The following TOX variants were observed in gnomAD, a reference collection of about 807,000 sequenced individuals.
TOX encodes thymocyte selection-associated high mobility group box protein TOX.
Under a neutral mutation model 53.7 loss-of-function variants are expected in TOX, and 11 were observed. The ratio of observed to expected loss-of-function variants is 0.20; its 90% CI spans 0.13 to 0.34. The LOEUF (loss-of-function observed/expected upper bound fraction) is 0.34. Ranked by LOEUF, TOX falls within the 10% of genes least tolerant of loss-of-function variation. The probability of loss-of-function intolerance (pLI) is 1.00; values close to 1 mark genes in which losing one functional copy is unlikely to be tolerated. For synonymous variants in TOX, 225 were observed against 245.3 expected (o/e 0.92, Z 0.77); for missense variants, 570 against 664.6 (o/e 0.86, Z 1.56).
intron 3 of TOX, among the ~76,000 whole-genome samples, chr8:58,888,190 T>G (rs1000947491): frequency 3.3e-5 from 5 of 152,122 alleles, no homozygotes; most frequent in Non-Finnish European, 7.4e-5. Flanking sequence ...AATGTCATTG[T>G]GCAGTTCATG....
At chr8:58,820,944 T>C (rs752045022) in intron 6 of TOX, among the ~76,000 whole-genome samples, 19 of 152,282 alleles carry the variant, frequency 1.2e-4, no homozygotes, top group Non-Finnish European at 2.4e-4. Context: ...GTCTAGGAAT[T>C]CCCGAGTCTA....
At chr8:58,905,865 G>A (rs372544892) in intron 3 of TOX, among the ~76,000 whole-genome samples, 101 of 152,202 alleles carry the variant, frequency 6.6e-4, no homozygotes, top group Middle Eastern at 3.4e-3. Flanking sequence ...GAAGATCGGC[G>A]ATGCATTGTC....
intron 3 of TOX, among the ~76,000 whole-genome samples, chr8:58,863,103 A>G (rs567614460): frequency 6.6e-6 from 1 of 152,324 alleles, no homozygotes; most frequent in Non-Finnish European, 1.5e-5. Flanking sequence ...GTGTTAAAAA[A>G]AATCATAATC....
chr8:58,980,499 C>A (rs1813183107), intron 1 of TOX, among the ~76,000 whole-genome samples: 1 of 152,194 alleles, frequency 6.6e-6, no homozygotes, highest in African/African-American at 2.4e-5. Flanking sequence ...TCTTTAAAAT[C>A]AAGTACAAAC....
At chr8:58,926,065 G>A (rs1266434311) in intron 3 of TOX, among the ~76,000 whole-genome samples, 2 of 152,186 alleles carry the variant, frequency 1.3e-5, no homozygotes, top group Admixed American at 1.3e-4. Flanking sequence ...GAGCTGGATT[G>A]TGAATTACCA....
chr8:58,807,837 G>C, intron 8 of TOX, 54 bp from the exon 9 acceptor site: 2 of 1,604,170 alleles, frequency 1.2e-6, no homozygotes, highest in Non-Finnish European at 1.7e-6. Flanking sequence ...TGTGCTACAG[G>C]TGACAATGGG....
chr8:58,939,157 T>A, intron 3 of TOX, 145 bp downstream of exon 3: 1 of 1,075,828 alleles, frequency 9.3e-7, no homozygotes, highest in South Asian at 1.6e-5. Context: ...GCTTTAGAAA[T>A]GTGTATGATT....
intron 1 of TOX, among the ~76,000 whole-genome samples, chr8:58,968,641 T>G (rs13257304): frequency 0.17 from 26,483 of 152,166 alleles, 2,518 homozygotes; most frequent in Middle Eastern, 0.31. Context: ...AATTACTTTT[T>G]GGGGGTTGGA....
intron 3 of TOX, among the ~76,000 whole-genome samples, chr8:58,884,968 T>C (rs1011851466): frequency 6.6e-6 from 1 of 152,156 alleles, no homozygotes; most frequent in Non-Finnish European, 1.5e-5. Flanking sequence ...TTTTCAAACA[T>C]GTGTAACAAT....
chr8:59,077,190 T>C (rs958381881), intron 1 of TOX, among the ~76,000 whole-genome samples: 8 of 152,336 alleles, frequency 5.3e-5, no homozygotes, highest in African/African-American at 1.9e-4. Flanking sequence ...GATAACCACC[T>C]TTCCTCAGTC....
chr8:59,093,703 T>C (rs528078725), intron 1 of TOX, among the ~76,000 whole-genome samples: 19 of 152,318 alleles, frequency 1.2e-4, no homozygotes, highest in Non-Finnish European at 1.5e-4. Flanking sequence ...AAATACATTC[T>C]TGCTTCTACA....
chr8:58,914,441 T>G (rs1293398408), intron 3 of TOX, among the ~76,000 whole-genome samples: 2 of 152,170 alleles, frequency 1.3e-5, no homozygotes, highest in East Asian at 3.9e-4. Flanking sequence ...CCATTCCACA[T>G]TGACCAAAAT....
At chr8:59,029,064 T>A (rs948178665) in intron 1 of TOX, among the ~76,000 whole-genome samples, 4 of 152,184 alleles carry the variant, frequency 2.6e-5, no homozygotes, top group African/African-American at 9.6e-5. Context: ...ACTAAAGTAC[T>A]TTCCCTCGGA....
At chr8:58,922,239 A>C (rs924027094) in intron 3 of TOX, among the ~76,000 whole-genome samples, 3 of 152,186 alleles carry the variant, frequency 2.0e-5, no homozygotes, top group African/African-American at 7.2e-5. Context: ...GTGCTTTATG[A>C]ATTTTACAGC....
At chr8:59,014,898 A>G (rs556161904) in intron 1 of TOX, among the ~76,000 whole-genome samples, 1 of 152,332 alleles carries the variant, frequency 6.6e-6, no homozygotes, top group East Asian at 1.9e-4. Context: ...CCGCTACAAA[A>G]CCATATGCAA....
rs568881540 is a variant in TOX, at chr8:59,103,414, T to G, written c.102+15472A>C. ...AGCAAAGAACTATATCCCAAAGCAGTAGAACTATAGAACAGCAAAGACTAT... is the reference window on the plus strand; with the variant it reads ...AGCAAAGAACTATATCCCAAAGCAGGAGAACTATAGAACAGCAAAGACTAT... On this transcript the variant is annotated intron_variant, in intron 1 of 8. Transcript: ENST00000361421. 3.3e-5 allele frequency among the ~76,000 whole-genome samples: 5 copies of G among 152,318 alleles called. No individual in the cohort carries two copies. In the South Asian group the frequency reaches 1.0e-3, roughly 32 times the overall value.
chr8:58,900,919 T>C (rs72651304), intron 3 of TOX, among the ~76,000 whole-genome samples: 9,900 of 152,144 alleles, frequency 0.065, 535 homozygotes, highest in Admixed American at 0.16. Flanking sequence ...TTAAAATCCA[T>C]TCTTCTCTTG....
At chr8:58,871,172 C>CAAAAAAA (rs36036067) in intron 3 of TOX, among the ~76,000 whole-genome samples, 2 of 70,456 alleles carry the variant, frequency 2.8e-5, no homozygotes, top group African/African-American at 4.7e-5. Flanking sequence ...AGAAGCCAGT[C>CAAAAAAA]AAAAAAAAAA....
At chr8:59,092,329 T>A (rs866629511) in intron 1 of TOX, among the ~76,000 whole-genome samples, 55 of 110,552 alleles carry the variant, frequency 5.0e-4, no homozygotes, top group African/African-American at 2.5e-3. Flanking sequence ...ATATATATAT[T>A]ATATATTATA....
Sources: allele counts gnomAD v4.1 joint callset (sites outside exome capture counted in the v4.1 genomes callset), GRCh38; gene constraint gnomAD v4.1.1; transcripts MANE v1.5; gene names NCBI Gene and HGNC (gene_info 2026-07-23, HGNC 2026-07-21).